Variants in HYDIN observed in about 807,000 individuals in gnomAD.
The protein encoded by HYDIN is axonemal central pair apparatus protein HYDIN.
Under a neutral mutation model 403.9 loss-of-function variants are expected in HYDIN, and 132 were observed. The ratio of observed to expected loss-of-function variants is 0.33; its 90% CI spans 0.28 to 0.38. The LOEUF is 0.38. Among genes scored for constraint, HYDIN ranks in the 10% least tolerant of loss-of-function variants. The pLI, the probability that HYDIN is intolerant of heterozygous loss-of-function variation, is 1.00. For missense variants in HYDIN, 2,827 were observed against 5,009.5 expected (o/e 0.56, Z 13.15); for synonymous variants, 1,202 against 1,891.7 (o/e 0.64, Z 9.46).
intron 10 of HYDIN, among the ~76,000 whole-genome samples, chr16:71,114,432 C>T (rs1280614826): frequency 2.0e-5 from 3 of 151,348 alleles, no homozygotes; most frequent in African/African-American, 7.3e-5. Flanking sequence ...ATTTCCTTAC[C>T]GTCTAGCAAA....
intron 1 of HYDIN, among the ~76,000 whole-genome samples, chr16:71,205,895 C>A (rs1197409103): frequency 1.3e-5 from 2 of 152,208 alleles, no homozygotes; most frequent in Non-Finnish European, 2.9e-5. Flanking sequence ...CTAAAGAGCA[C>A]AGCCTCCTGT....
intron 10 of HYDIN, among the ~76,000 whole-genome samples, chr16:71,110,809 C>T (rs923807669): frequency 7.9e-6 from 1 of 126,494 alleles, no homozygotes; most frequent in Admixed American, 9.0e-5. Context: ...CACGGTGTGG[C>T]AGAATAGGGG....
At chr16:71,208,867 G>A (rs577132595) in intron 1 of HYDIN, among the ~76,000 whole-genome samples, 2 of 152,204 alleles carry the variant, frequency 1.3e-5, no homozygotes, top group East Asian at 3.9e-4. Flanking sequence ...TCCCTAAACA[G>A]ACTAATAACA....
intron 18 of HYDIN, among the ~76,000 whole-genome samples, chr16:71,042,255 C>T (rs1462141468): frequency 6.6e-6 from 1 of 152,154 alleles, no homozygotes; most frequent in Non-Finnish European, 1.5e-5. Flanking sequence ...CCCTTGGAAT[C>T]CACTCTCCCA....
intron 42 of HYDIN, 133 bp downstream of exon 42, chr16:70,943,661 CGACAAGAGCTGTCAAAAA>C: frequency 8.9e-7 from 1 of 1,118,474 alleles, no homozygotes; most frequent in Non-Finnish European, 1.2e-6. Context: ...GGTCAGGGGT[CGACAAGAGCTGTCAAAAA>C]GACAAGCAAA....
intron 72 of HYDIN, 33 bp downstream of exon 72, chr16:70,857,672 A>T (rs780905520): frequency 7.7e-7 from 1 of 1,299,026 alleles, no homozygotes; most frequent in Non-Finnish European, 1.1e-6. Flanking sequence ...AGATCATGCC[A>T]ACTCTAAATA....
chr16:70,931,219 T>G (rs2077318292), intron 45 of HYDIN, among the ~76,000 whole-genome samples: 1 of 113,212 alleles, frequency 8.8e-6, no homozygotes, highest in South Asian at 2.7e-4. Context: ...TGTTTTTTTT[T>G]TTTTTTTTTT....
intron 23 of HYDIN, among the ~76,000 whole-genome samples, chr16:71,011,022 G>C (rs1211021241): frequency 6.6e-6 from 1 of 152,202 alleles, no homozygotes; most frequent in East Asian, 1.9e-4. Context: ...TCTATCATTT[G>C]TTGGAAGTAA....
intron 41 of HYDIN, among the ~76,000 whole-genome samples, chr16:70,951,245 G>A (rs7199606): frequency 0.67 from 96,821 of 144,694 alleles, 32,422 homozygotes; most frequent in Non-Finnish European, 0.75. Context: ...TAGGGAAAAG[G>A]GACAGAGAGA....
At chr16:71,137,103 C>T in intron 8 of HYDIN, 48 bp downstream of exon 8, 1 of 823,022 alleles carries the variant, frequency 1.2e-6, no homozygotes, top group South Asian at 1.6e-5. Context: ...CTGAGTTTTA[C>T]ATTCCCCCCC....
chr16:71,015,629 C>T (rs1465745280), intron 23 of HYDIN, among the ~76,000 whole-genome samples: 1 of 151,906 alleles, frequency 6.6e-6, no homozygotes, highest in Non-Finnish European at 1.5e-5. Flanking sequence ...GGACCGGCTG[C>T]CGGCTTCAGT....
rs2040889401 is a variant in HYDIN, at chr16:70,882,765, G to A, written c.10110C>T (p.Phe3370=). 7.4e-6 allele frequency: 11 copies of A among 1,491,282 alleles called. No individual in the cohort carries two copies. The highest frequency in any genetic ancestry group is 1.0e-5 in the Non-Finnish European group (11 of 1,068,652). The allele number at this position is 1,491,282 out of a possible 1,614,324, so 92.4% of individuals were successfully genotyped here. A position where few individuals can be genotyped will look rare whatever the true frequency, so the allele number is the denominator to read the frequency against. Residue 3370 remains phenylalanine, a synonymous_variant, in exon 60 of 86, where the codon TTC becomes TTT. Coordinates refer to ENST00000393567, the MANE Select transcript of HYDIN (RefSeq NM_001270974.2). The stretch of plus-strand genomic sequence containing the variant: ...CTTGGCGGCCCACCAGGACATTGCA[G>A]AAGATGAACTTGTTCTCATCCTCGA... The part of the protein sequence containing the change: ...LFVEDENKFI[F]CNVLVGRQAK...
At chr16:70,985,573 GT>G (rs1368075992) in intron 27 of HYDIN, among the ~76,000 whole-genome samples, 2 of 151,882 alleles carry the variant, frequency 1.3e-5, no homozygotes. Context: ...CTGGGTCTCA[GT>G]TTTTTCACTA....
rs557429749 is a variant in HYDIN, at chr16:70,806,686, G to C, written c.*894C>G. 6.6e-6 allele frequency among the ~76,000 whole-genome samples: 1 copy of C among 152,284 alleles called. No homozygotes were observed. The highest frequency in any genetic ancestry group is 1.9e-4 in the East Asian group (1 of 5,180). On this transcript the variant is annotated 3_prime_UTR_variant, in exon 86 of 86. Coordinates refer to ENST00000393567, the MANE Select transcript of HYDIN (RefSeq NM_001270974.2). ...CTGTGGGGGATGAGTGTGGGGAGCA[G>C]GTAGAGGCAGGGGGACCCTCCGTCA...
At chr16:70,948,644 A>G (rs77677714) in intron 41 of HYDIN, among the ~76,000 whole-genome samples, 60 of 150,938 alleles carry the variant, frequency 4.0e-4, no homozygotes, top group East Asian at 9.7e-4. Flanking sequence ...AAAAGTGGGC[A>G]AAGGACATGA....
intron 20 of HYDIN, among the ~76,000 whole-genome samples, chr16:71,026,261 G>A (rs1222975377): frequency 1.3e-5 from 2 of 152,140 alleles, no homozygotes; most frequent in African/African-American, 4.8e-5. Context: ...ATATTTCTTT[G>A]GACTCAAAAA....
intron 35 of HYDIN, among the ~76,000 whole-genome samples, chr16:70,971,484 TTCCA>T (rs2078731614): frequency 6.6e-6 from 1 of 151,550 alleles, no homozygotes; most frequent in African/African-American, 2.4e-5. Context: ...GATCCTCAGA[TTCCA>T]TCCCTAGAAA....
chr16:71,136,682 G>T (rs1396034052), intron 8 of HYDIN, among the ~76,000 whole-genome samples: 1 of 146,142 alleles, frequency 6.8e-6, no homozygotes, highest in African/African-American at 2.5e-5. Context: ...CAGGAGAATT[G>T]CTTGAACCCA....
Position 70,860,177 on chromosome 16 carries a change from C to T in HYDIN, c.12020G>A (p.Ser4007Asn). The change falls in exon 71 of 86, where the codon AGC (serine) becomes AAC (asparagine). Residue 4007 changes from serine to asparagine, a missense_variant. Coordinates refer to ENST00000393567, the MANE Select transcript of HYDIN (RefSeq NM_001270974.2). ...AGAGATCCAGCAGAAGGAGTAGGTG[C>T]TATTGGTTGGGTTTAGGATGGTAAA... ...RTFTILNPTN[S>N]TYSFCWISEE... 1 of 1,614,044 alleles carries T rather than the reference C, an allele frequency of 6.2e-7. No homozygotes were observed. The highest frequency in any genetic ancestry group is 8.5e-7 in the Non-Finnish European group (1 of 1,179,978).
Sources: gnomAD v4.1 joint callset for allele counts (sites outside exome capture counted in the v4.1 genomes callset) on GRCh38, gnomAD v4.1.1 for gene constraint, MANE v1.5 for transcripts, NCBI Gene and HGNC (gene_info 2026-07-23, HGNC 2026-07-21) for gene names.